Variants in MARCHF1 observed in about 807,000 individuals in gnomAD.
MARCHF1 encodes the protein E3 ubiquitin-protein ligase MARCHF1.
MARCHF1 carries 40 observed loss-of-function variants against 54.2 expected under a neutral mutation model. That is an observed-to-expected ratio of 0.74 (90% CI 0.57 to 0.96). The LOEUF is 0.96. Among genes scored for constraint, MARCHF1 ranks in the 40% least tolerant of loss-of-function variants. The pLI is 0.00. For synonymous variants in MARCHF1, 236 were observed against 236.3 expected (o/e 1.00, Z 0.01); for missense variants, 586 against 656.5 (o/e 0.89, Z 1.17).
intron 1 of MARCHF1, among the ~76,000 whole-genome samples, chr4:164,349,844 T>C (rs1030172280): frequency 3.9e-5 from 6 of 152,204 alleles, no homozygotes; most frequent in Non-Finnish European, 8.8e-5. Context: ...ACTCAAATTG[T>C]TCAAAAGTTG....
intron 1 of MARCHF1, among the ~76,000 whole-genome samples, chr4:164,340,405 T>TTTTTTATA (rs1327005165): frequency 2.1e-5 from 2 of 95,650 alleles, no homozygotes; most frequent in Non-Finnish European, 2.2e-5. Context: ...AGGCCTTGAT[T>TTTTTTATA]TATATATAGA....
At position 164,282,834 on chromosome 4, in the gene MARCHF1, G is replaced by A. The variant is rs151030074; in HGVS notation, c.-323+101036C>T. On this transcript the variant is annotated intron_variant, in intron 1 of 9. Transcript: ENST00000514618. The stretch of plus-strand genomic sequence containing the variant: ...GTGATAATTATTTCTAGCCAGGTAC[G>A]ATGACTCCCTAATAATAGACTTAAG... Among the ~76,000 whole-genome samples, 335 of 151,270 alleles carry A rather than the reference G, an allele frequency of 2.2e-3. 7 individuals are homozygous for A. Among genetic ancestry groups the A allele is most frequent in the Admixed American group, 5.7e-3 (85 of 14,922 alleles).
chr4:163,659,993 G>T (rs1471436262), intron 5 of MARCHF1, among the ~76,000 whole-genome samples: 1 of 152,090 alleles, frequency 6.6e-6, no homozygotes, highest in South Asian at 2.1e-4. Flanking sequence ...AAGACAGTGA[G>T]GCGTTTCCTC....
At chr4:163,748,165 A>C (rs1389612519) in intron 4 of MARCHF1, among the ~76,000 whole-genome samples, 2 of 152,206 alleles carry the variant, frequency 1.3e-5, no homozygotes, top group Non-Finnish European at 2.9e-5. Flanking sequence ...TCAGGGTTAT[A>C]GAACAGCTAC....
intron 2 of MARCHF1, among the ~76,000 whole-genome samples, chr4:164,094,935 T>A (rs1560901022): frequency 6.6e-6 from 1 of 152,096 alleles, no homozygotes; most frequent in Non-Finnish European, 1.5e-5. Context: ...TTACAAAAGA[T>A]AACTGTATCA....
intron 1 of MARCHF1, among the ~76,000 whole-genome samples, chr4:164,132,312 T>C (rs1756317698): frequency 6.6e-6 from 1 of 152,140 alleles, no homozygotes; most frequent in African/African-American, 2.4e-5. Flanking sequence ...AGTCCTGTCT[T>C]TTTGTAGAAT....
At chr4:163,988,235 T>C (rs543772929) in intron 3 of MARCHF1, among the ~76,000 whole-genome samples, 45 of 152,292 alleles carry the variant, frequency 3.0e-4, no homozygotes, top group Admixed American at 1.3e-3. Context: ...AGTGACTCCA[T>C]AGATTGTTTA....
At chr4:164,204,312 C>T (rs184033263) in intron 1 of MARCHF1, among the ~76,000 whole-genome samples, 97 of 152,190 alleles carry the variant, frequency 6.4e-4, no homozygotes, top group Admixed American at 2.0e-3. Context: ...TAAGAGCAGT[C>T]AAATAAAAAA....
intron 9 of MARCHF1, chr4:163,529,869 T>C (rs1204368535): frequency 6.6e-6 from 1 of 151,954 alleles, no homozygotes; most frequent in African/African-American, 2.4e-5. Context: ...TATATGAGGG[T>C]CAAGTGGTCC....
chr4:163,961,663 T>C (rs1752348851), intron 3 of MARCHF1, among the ~76,000 whole-genome samples: 1 of 151,916 alleles, frequency 6.6e-6, no homozygotes, highest in African/African-American at 2.4e-5. Context: ...CAGGCTTGCT[T>C]ATTATTCTTT....
At chr4:164,309,253 C>CTT (rs1554000345) in intron 1 of MARCHF1, among the ~76,000 whole-genome samples, 19 of 116,482 alleles carry the variant, frequency 1.6e-4, no homozygotes, top group Admixed American at 2.7e-4. Context: ...TAATTTCTAA[C>CTT]CTGTGTGTGT....
chr4:163,983,951 ATTTTTACTAAAAAT>A lies in MARCHF1; in HGVS notation c.-39+4536_-39+4549del, dbSNP rs1381310012. Reference sequence around the variant, plus strand: ...TAACTTTTTAATTTTTTTACTAAAAATTTTTACTAAAAATTTTTTTTTAGTAAATTTTACTAAAA... The same window carrying A: ...TAACTTTTTAATTTTTTTACTAAAAATTTTTTTTAGTAAATTTTACTAAAA... On this transcript the variant is annotated intron_variant, in intron 3 of 9. Transcript: ENST00000514618. 7.6e-5 allele frequency among the ~76,000 whole-genome samples: 9 copies of A among 119,050 alleles called. No homozygotes were observed. The East Asian group carries it at 1.8e-3, about 23-fold the overall frequency. 78.1% of individuals were successfully genotyped at this position (119,050 alleles called of 152,430 possible).
At chr4:163,564,237 G>A (rs1026928588) in intron 8 of MARCHF1, among the ~76,000 whole-genome samples, 3 of 152,106 alleles carry the variant, frequency 2.0e-5, no homozygotes, top group East Asian at 3.8e-4. Context: ...GGCTGAGCTC[G>A]GCAACCAAAA....
chr4:164,334,026 G>C (rs1729655745), intron 1 of MARCHF1, among the ~76,000 whole-genome samples: 1 of 152,182 alleles, frequency 6.6e-6, no homozygotes, highest in African/African-American at 2.4e-5. Flanking sequence ...AGAAGCATGA[G>C]AAAGCTGCAG....
chr4:163,668,568 C>T (rs543051858), intron 5 of MARCHF1, among the ~76,000 whole-genome samples: 1 of 152,078 alleles, frequency 6.6e-6, no homozygotes, highest in South Asian at 2.1e-4. Flanking sequence ...AGATCAAGAC[C>T]TTACCAGATA....
intron 7 of MARCHF1, among the ~76,000 whole-genome samples, chr4:163,599,425 C>T (rs1449884174): frequency 6.6e-6 from 1 of 151,960 alleles, no homozygotes; most frequent in African/African-American, 2.4e-5. Flanking sequence ...CACATACACA[C>T]ACACACACAC....
intron 1 of MARCHF1, among the ~76,000 whole-genome samples, chr4:164,330,541 G>A (rs371445694): frequency 9.8e-5 from 15 of 152,304 alleles, no homozygotes; most frequent in East Asian, 1.9e-4. Context: ...GGATTATTAA[G>A]TGTGTCATTT....
At chr4:164,083,432 G>A (rs532874619) in intron 2 of MARCHF1, among the ~76,000 whole-genome samples, 35 of 152,098 alleles carry the variant, frequency 2.3e-4, no homozygotes, top group African/African-American at 7.9e-4. Context: ...CTGCTGTGAT[G>A]GCTCCATTCC....
intron 2 of MARCHF1, among the ~76,000 whole-genome samples, chr4:164,026,986 A>G (rs1267632420): frequency 6.6e-6 from 1 of 152,094 alleles, no homozygotes; most frequent in Non-Finnish European, 1.5e-5. Flanking sequence ...TCCCATTTAC[A>G]ATAGCCACAA....
Sources: gnomAD v4.1 joint callset for allele counts (sites outside exome capture counted in the v4.1 genomes callset) on GRCh38, gnomAD v4.1.1 for gene constraint, MANE v1.5 for transcripts, NCBI Gene and HGNC (gene_info 2026-07-23, HGNC 2026-07-21) for gene names.